The following SNX25 variants were observed in gnomAD, a reference collection of about 807,000 sequenced individuals.
SNX25 encodes the protein sorting nexin 25, also known as sorting nexin-25.
Under a neutral mutation model 113.7 loss-of-function variants are expected in SNX25, and 62 were observed. The ratio of observed to expected loss-of-function variants is 0.55; its 90% CI spans 0.44 to 0.67. SNX25 has a LOEUF of 0.67. SNX25 is among the 30% of genes least tolerant of loss of function. The pLI, the probability that SNX25 is intolerant of heterozygous loss-of-function variation, is 0.00. For synonymous variants in SNX25, 421 were observed against 436.2 expected, an observed-to-expected ratio of 0.97 and a Z score of 0.43; for missense variants, 1,014 against 1,161.0, an observed-to-expected ratio of 0.87 and a Z score of 1.84.
intron 1 of SNX25, among the ~76,000 whole-genome samples, chr4:185,243,729 T>C (rs1326247203): frequency 6.6e-6 from 1 of 152,170 alleles, no homozygotes; most frequent in South Asian, 2.1e-4. Context: ...TATTCAGATG[T>C]AGTCAGTAGT....
At chr4:185,373,671 T>C (rs3797028), downstream of SNX25, among the ~76,000 whole-genome samples, 11,753 of 152,198 alleles carry the variant, frequency 0.077, 637 homozygotes, top group African/African-American at 0.15. Context: ...CTCTCACAAG[T>C]AGGACTCAGC....
chr4:185,213,517 A>G (rs1416885654), intron 1 of SNX25, among the ~76,000 whole-genome samples: 1 of 152,178 alleles, frequency 6.6e-6, no homozygotes, highest in Non-Finnish European at 1.5e-5. Context: ...GCGGAGCGGA[A>G]CTGTGATGCT....
chr4:185,350,670 G>T (rs1399988124), intron 13 of SNX25, among the ~76,000 whole-genome samples: 1 of 152,144 alleles, frequency 6.6e-6, no homozygotes, highest in African/African-American at 2.4e-5. Context: ...AGATCAGCCT[G>T]GCCAATATGG....
chr4:185,216,966 G>A (rs1323582342), intron 1 of SNX25, among the ~76,000 whole-genome samples: 1 of 152,208 alleles, frequency 6.6e-6, no homozygotes, highest in Non-Finnish European at 1.5e-5. Context: ...ATGACTCATA[G>A]GAGCTAGGAT....
chr4:185,329,782 G>A (rs773873258), intron 9 of SNX25, among the ~76,000 whole-genome samples: 5 of 152,104 alleles, frequency 3.3e-5, no homozygotes, highest in Non-Finnish European at 5.9e-5. Flanking sequence ...GGATTCCTGA[G>A]ACCTGAGGGT....
At chr4:185,270,315 TTA>T (rs1424405077) in intron 5 of SNX25, among the ~76,000 whole-genome samples, 2 of 152,216 alleles carry the variant, frequency 1.3e-5, no homozygotes, top group African/African-American at 4.8e-5. Context: ...AGTTCTGATT[TTA>T]TGTTTTTCCT....
At position 185,332,734 on chromosome 4, in the gene SNX25, A is replaced by C; in HGVS notation, c.1889A>C (p.Gln630Pro). The change falls in exon 10 of 19, where the codon CAA (glutamine) becomes CCA (proline). Residue 630 changes from glutamine (Q) to proline (P), a missense_variant. Physicochemically the swap from Gln to Pro is moderately conservative, Grantham distance 76 (BLOSUM62 -1). Coordinates refer to ENST00000652585, the MANE Select transcript of SNX25 (RefSeq NM_001378034.2). ...EYKRQALNSI[Q>P]NAPKPDKKIV... ...AAAAGGCAAGCTCTAAATTCTATTCAAAATGCACCAAAACCTGACAAGAAG... is the reference window on the plus strand; with the variant it reads ...AAAAGGCAAGCTCTAAATTCTATTCCAAATGCACCAAAACCTGACAAGAAG... 1 of 1,613,688 alleles carries C rather than the reference A, an allele frequency of 6.2e-7. No homozygotes were observed. The highest frequency in any genetic ancestry group is 8.5e-7 in the Non-Finnish European group (1 of 1,179,902).
chr4:185,276,431 C>G (rs1749687870), intron 5 of SNX25, among the ~76,000 whole-genome samples: 1 of 152,206 alleles, frequency 6.6e-6, no homozygotes, highest in Admixed American at 6.5e-5. Flanking sequence ...AACACTCTTC[C>G]TCCCATCCCG....
chr4:185,367,259 A>G, downstream of SNX25: 1 of 1,609,160 alleles, frequency 6.2e-7, no homozygotes, highest in Non-Finnish European at 8.5e-7. Context: ...AAAATCAAAA[A>G]GAGTCAGATA....
At chr4:185,265,347 C>T (rs909520865) in intron 4 of SNX25, among the ~76,000 whole-genome samples, 1 of 152,086 alleles carries the variant, frequency 6.6e-6, no homozygotes, top group Non-Finnish European at 1.5e-5. Flanking sequence ...CCTATTGCTC[C>T]TAGACTATAA....
At chr4:185,343,296 A>T (rs2095269557) in intron 12 of SNX25, among the ~76,000 whole-genome samples, 1 of 152,220 alleles carries the variant, frequency 6.6e-6, no homozygotes, top group Admixed American at 6.5e-5. Context: ...AAGGGAATAT[A>T]TGTATATAAA....
chr4:185,300,361 G>T (rs1453139177), intron 6 of SNX25, among the ~76,000 whole-genome samples: 1 of 150,794 alleles, frequency 6.6e-6, no homozygotes, highest in African/African-American at 2.4e-5. Flanking sequence ...TAGAGATGGG[G>T]TTTCATCATG....
At position 185,209,895 on chromosome 4, in the gene SNX25, C is replaced by G. The variant is rs1277915420; in HGVS notation, c.69C>G (p.Gly23=). The part of the protein sequence containing the change: ...PSPARAAGAG[G]RPVSGFRGER... The stretch of plus-strand genomic sequence containing the variant: ...CCGCGCGGGCCGCAGGCGCCGGCGG[C>G]CGTCCTGTCTCGGGCTTCAGGGGCG... The change falls in exon 1 of 19, where the codon GGC becomes GGG. Residue 23 remains glycine, a synonymous_variant. Coordinates refer to ENST00000652585, the MANE Select transcript of SNX25 (RefSeq NM_001378034.2). The surrounding 1 kb of genome is among the most constrained non-coding windows in gnomAD (Gnocchi z 5.2). 3 of 983,252 alleles carry G rather than the reference C, an allele frequency of 3.1e-6. No individual in the cohort carries two copies. In the East Asian group the frequency reaches 3.4e-4, roughly 112 times the overall value. The allele number at this position is 983,252 out of a possible 1,614,324, so 60.9% of individuals were successfully genotyped here.
chr4:185,376,312 C>T, the SNX25 span, among the ~76,000 whole-genome samples: 2 of 152,170 alleles, frequency 1.3e-5, no homozygotes, highest in Non-Finnish European at 2.9e-5. Flanking sequence ...GAGTCTCGCT[C>T]TGTGGCCCAG....
chr4:185,235,259 C>G (rs553776243), intron 1 of SNX25, among the ~76,000 whole-genome samples: 44 of 152,318 alleles, frequency 2.9e-4, no homozygotes, highest in African/African-American at 5.3e-4. Context: ...ATCTGCCATT[C>G]ATCTTTCTCT....
At chr4:185,263,871 A>T (rs1747673328) in intron 3 of SNX25, among the ~76,000 whole-genome samples, 1 of 152,188 alleles carries the variant, frequency 6.6e-6, no homozygotes, top group African/African-American at 2.4e-5. Context: ...TGTTCCTGGG[A>T]TGGAGTCAGT....
chr4:185,302,384 G>A (rs184822915), intron 6 of SNX25, among the ~76,000 whole-genome samples: 569 of 152,204 alleles, frequency 3.7e-3, no homozygotes, highest in African/African-American at 0.012. Flanking sequence ...TCTTGTAGGG[G>A]GGCAGTCTTG....
At chr4:185,370,555 C>A, downstream of SNX25, 1 of 1,401,626 alleles carries the variant, frequency 7.1e-7, no homozygotes, top group Non-Finnish European at 9.8e-7. Flanking sequence ...GTAGAAAAAA[C>A]ACTAATCCGT....
chr4:185,307,922 G>A lies in SNX25; in HGVS notation c.1163-2713G>A, dbSNP rs569255968. 2.8e-3 allele frequency among the ~76,000 whole-genome samples: 421 copies of A among 152,224 alleles called. 3 individuals carry two copies. Among genetic ancestry groups the A allele is most frequent in the Non-Finnish European group, 2.9e-3 (199 of 68,016 alleles). On this transcript the variant is annotated intron_variant, in intron 6 of 18. Coordinates refer to ENST00000652585, the MANE Select transcript of SNX25 (RefSeq NM_001378034.2). The stretch of plus-strand genomic sequence containing the variant: ...GGCATGCACTGCCACACCTAGCTAA[G>A]TTTTTAAAAAACTTCTTGTAGAGAT...
Sources: gnomAD v4.1 joint callset for allele counts (sites outside exome capture counted in the v4.1 genomes callset) on GRCh38, gnomAD v4.1.1 for gene constraint, Gnocchi (gnomAD v3.1) non-coding constraint, MANE v1.5 for transcripts, NCBI Gene and HGNC (gene_info 2026-07-23, HGNC 2026-07-21) for gene names.